Variants in LRFN2 observed in about 807,000 individuals in gnomAD.
LRFN2 encodes the protein leucine rich repeat and fibronectin type III domain containing 2.
Under a neutral mutation model 37.3 loss-of-function variants are expected in LRFN2, and 18 were observed. The observed-to-expected ratio is 0.48, with a 90% CI of 0.33 to 0.72. The LOEUF (loss-of-function observed/expected upper bound fraction) is 0.72, where lower values mean the gene tolerates loss of function less well. Among genes scored for constraint, LRFN2 ranks in the 30% least tolerant of loss-of-function variants. LRFN2 has a pLI of 0.02. For synonymous variants in LRFN2, 556 were observed against 466.6 expected, an observed-to-expected ratio of 1.19 and a Z score of -2.47; for missense variants, 1,006 against 1,060.7, an observed-to-expected ratio of 0.95 and a Z score of 0.72.
In LRFN2 at chr6:40,456,256, G is replaced by C. The variant is rs114605254; in HGVS notation, c.-18-23125C>G. The stretch of plus-strand genomic sequence containing the variant: ...CTGTGTTGCTTTAAGCCAAGTTCCT[G>C]CTAATTCATTATGCAATAACAAAAA... On this transcript the variant is annotated intron_variant, in intron 1 of 2. Coordinates refer to ENST00000338305, the MANE Select transcript of LRFN2 (RefSeq NM_020737.3). Among the ~76,000 whole-genome samples, 1,031 of 152,300 alleles carry C rather than the reference G, an allele frequency of 6.8e-3. 11 individuals carry two copies. The highest frequency in any genetic ancestry group is 0.023 in the African/African-American group (971 of 41,562).
intron 2 of LRFN2, among the ~76,000 whole-genome samples, chr6:40,414,254 G>A (rs1451604921): frequency 6.6e-6 from 1 of 152,168 alleles, no homozygotes; most frequent in Non-Finnish European, 1.5e-5. Flanking sequence ...CACACTGTGG[G>A]CACTCAGAAG....
chr6:40,571,731 GA>G (rs1767191270), intron 1 of LRFN2, among the ~76,000 whole-genome samples: 1 of 152,186 alleles, frequency 6.6e-6, no homozygotes. Context: ...CCAGCAGGTG[GA>G]TCCCCAAATC....
chr6:40,461,575 C>G (rs1337897436), intron 1 of LRFN2, among the ~76,000 whole-genome samples: 3 of 146,992 alleles, frequency 2.0e-5, no homozygotes, highest in African/African-American at 7.4e-5. Flanking sequence ...CCCAGCCACC[C>G]CCCTCCCCCC....
chr6:40,491,580 C>T (rs2113870154), intron 1 of LRFN2, among the ~76,000 whole-genome samples: 1 of 147,340 alleles, frequency 6.8e-6, no homozygotes, highest in African/African-American at 2.5e-5. Context: ...GTTTCCCTCA[C>T]TCTATTTTGC....
intron 1 of LRFN2, among the ~76,000 whole-genome samples, chr6:40,559,059 G>A (rs898972981): frequency 2.6e-5 from 4 of 152,064 alleles, no homozygotes; most frequent in African/African-American, 9.7e-5. Context: ...CAAACGGAGG[G>A]GGCATGGGGA....
chr6:40,556,586 A>G (rs1276267390), intron 1 of LRFN2, among the ~76,000 whole-genome samples: 2 of 152,018 alleles, frequency 1.3e-5, no homozygotes, highest in Non-Finnish European at 2.9e-5. Context: ...ATGGAAAGTT[A>G]TTAGAGGGGA....
At chr6:40,455,694 G>A (rs917182410) in intron 1 of LRFN2, among the ~76,000 whole-genome samples, 1 of 152,152 alleles carries the variant, frequency 6.6e-6, no homozygotes, top group South Asian at 2.1e-4. Flanking sequence ...GTGGCCTTGA[G>A]CACACACATA....
chr6:40,435,321 A>ATTATTT (rs1254563621), intron 1 of LRFN2, among the ~76,000 whole-genome samples: 16 of 151,004 alleles, frequency 1.1e-4, no homozygotes, highest in Admixed American at 7.9e-4. Context: ...TGCCTGGCTA[A>ATTATTT]TTATTTTTAT....
chr6:40,527,172 G>A (rs192612910), intron 1 of LRFN2, among the ~76,000 whole-genome samples: 59 of 152,322 alleles, frequency 3.9e-4, no homozygotes, highest in African/African-American at 1.2e-3. Context: ...GATCTTCTTT[G>A]CACTGGAGAG....
chr6:40,393,000 A>G lies in LRFN2; in HGVS notation c.1401-88T>C. ...AGTGGACAGAGGTAGAAACAGAGTG[A>G]CAGAGATGGGGAGGGGGAGGGGAGG... is the stretch of plus-strand genomic sequence containing the variant. On this transcript the variant is annotated intron_variant, in intron 2 of 2. Transcript: ENST00000338305. This position sits in a 1 kb window ranked among gnomAD's most constrained non-coding sequence, Gnocchi z 4.7. 8.8e-7 allele frequency: 1 copy of G among 1,137,362 alleles called. No homozygotes were observed. The allele number at this position is 1,137,362 out of a possible 1,614,324, so 70.5% of individuals were successfully genotyped here. A position where few individuals can be genotyped will look rare whatever the true frequency, so the allele number is the denominator to read the frequency against.
chr6:40,424,443 C>T (rs1227538480), intron 2 of LRFN2, among the ~76,000 whole-genome samples: 2 of 152,192 alleles, frequency 1.3e-5, no homozygotes, highest in Admixed American at 1.3e-4. Context: ...ATGTAGAAGA[C>T]TACATTTCTT....
At chr6:40,421,820 G>A (rs1047924530) in intron 2 of LRFN2, among the ~76,000 whole-genome samples, 6 of 152,100 alleles carry the variant, frequency 3.9e-5, no homozygotes, top group Non-Finnish European at 5.9e-5. Context: ...TCAGAATGAC[G>A]GAAATAACCC....
At chr6:40,540,364 C>A (rs958494284) in intron 1 of LRFN2, among the ~76,000 whole-genome samples, 2 of 152,276 alleles carry the variant, frequency 1.3e-5, no homozygotes, top group East Asian at 3.9e-4. Context: ...GTATGTTGAA[C>A]CTAAGTTCCT....
At chr6:40,585,739 G>A (rs1022240427) in intron 1 of LRFN2, among the ~76,000 whole-genome samples, 2 of 152,036 alleles carry the variant, frequency 1.3e-5, no homozygotes, top group Non-Finnish European at 2.9e-5. Flanking sequence ...CCAGCAGCAG[G>A]GGGTCAAATT....
chr6:40,412,601 C>A (rs1184466949), intron 2 of LRFN2, among the ~76,000 whole-genome samples: 3 of 152,184 alleles, frequency 2.0e-5, no homozygotes, highest in African/African-American at 7.2e-5. Context: ...TGGGTCTCCG[C>A]TTTTCCCTGA....
At chr6:40,566,397 G>C (rs1581797656) in intron 1 of LRFN2, among the ~76,000 whole-genome samples, 1 of 152,150 alleles carries the variant, frequency 6.6e-6, no homozygotes, top group African/African-American at 2.4e-5. Context: ...TATACCCAAA[G>C]GATTATAAAT....
chr6:40,448,770 G>GGA, intron 1 of LRFN2, among the ~76,000 whole-genome samples: 1 of 152,318 alleles, frequency 6.6e-6, no homozygotes, highest in East Asian at 1.9e-4. Context: ...TCCTTTGGCA[G>GGA]AAGGCAGAAC....
chr6:40,579,122 GC>G (rs1211835457), intron 1 of LRFN2, among the ~76,000 whole-genome samples: 2 of 152,178 alleles, frequency 1.3e-5, no homozygotes, highest in African/African-American at 4.8e-5. Flanking sequence ...CACAATCCCT[GC>G]CAGCATCCTC....
intron 1 of LRFN2, among the ~76,000 whole-genome samples, chr6:40,446,823 G>A (rs1763979864): frequency 6.6e-6 from 1 of 152,236 alleles, no homozygotes; most frequent in South Asian, 2.1e-4. Flanking sequence ...AGAAGTGGGA[G>A]CTGTGTCCCC....
Sources: allele counts gnomAD v4.1 joint callset (sites outside exome capture counted in the v4.1 genomes callset), GRCh38; gene constraint gnomAD v4.1.1; non-coding constraint Gnocchi (gnomAD v3.1); transcripts MANE v1.5; gene names NCBI Gene and HGNC (gene_info 2026-07-23, HGNC 2026-07-21).